KHDC4: variants seen among roughly 807,000 people sequenced by gnomAD.
The protein encoded by KHDC4 is KH domain containing 4, pre-mRNA splicing factor.
A neutral mutation model predicts 74.5 loss-of-function variants in KHDC4; 19 were observed. The observed-to-expected ratio is 0.26, with a 90% CI of 0.18 to 0.37. The LOEUF is 0.37. KHDC4 is among the 10% of genes least tolerant of loss of function. The probability of loss-of-function intolerance (pLI) is 1.00; values close to 1 mark genes in which losing one functional copy is unlikely to be tolerated. For missense variants in KHDC4, 632 were observed against 754.1 expected, an observed-to-expected ratio of 0.84 and a Z score of 1.90; for synonymous variants, 253 against 266.1, an observed-to-expected ratio of 0.95 and a Z score of 0.48.
At chr1:155,929,247 G>C in intron 4 of KHDC4, 49 bp downstream of exon 4, 6 of 1,290,810 alleles carry the variant, frequency 4.6e-6, no homozygotes, top group Middle Eastern at 1.8e-4. Context: ...TGAGGCTAAC[G>C]TGAGTCATAC....
rs2102594648 is a variant in KHDC4, at chr1:155,913,512, C to A, written c.*609G>T. On this transcript the variant is annotated 3_prime_UTR_variant, in exon 14 of 14. Coordinates refer to ENST00000368321, the MANE Select transcript of KHDC4 (RefSeq NM_014949.4). ...GTGCCTGAAGGTGCCAGCTTTGGAT[C>A]ACCCCAATTAAAAAACACAATGAAA... 6.6e-6 allele frequency: 1 copy of A among 152,552 alleles called. No individual in the cohort carries two copies. Among genetic ancestry groups the A allele is most frequent in the Admixed American group, 6.5e-5 (1 of 15,286 alleles). 9.4% of individuals were successfully genotyped at this position (152,552 alleles called of 1,614,324 possible).
At chr1:155,915,762 C>T (rs1673718301) in intron 13 of KHDC4, 111 bp downstream of exon 13, 4 of 662,012 alleles carry the variant, frequency 6.0e-6, no homozygotes, top group Admixed American at 5.8e-5. Flanking sequence ...CCACCTCGGC[C>T]TCCCAAAGTG....
chr1:155,932,709 C>T (rs1191933068), intron 2 of KHDC4: 2 of 152,084 alleles, frequency 1.3e-5, no homozygotes, highest in Non-Finnish European at 2.9e-5. Flanking sequence ...ACTTGTAATC[C>T]CAGCACTTTG....
intron 7 of KHDC4, among the ~76,000 whole-genome samples, chr1:155,924,117 A>T (rs1673930046): frequency 6.6e-6 from 1 of 152,102 alleles, no homozygotes; most frequent in African/African-American, 2.4e-5. Flanking sequence ...GGAGATCGAG[A>T]CCATCCTGGC....
In KHDC4 at chr1:155,917,288, T is replaced by C. The variant is rs544803390; in HGVS notation, c.1440+211A>G. Among the ~76,000 whole-genome samples, 3 of 152,196 alleles carry C rather than the reference T, an allele frequency of 2.0e-5. No individual in the cohort carries two copies. The South Asian group carries it at 6.2e-4, about 32-fold the overall frequency. ...GTTTTAAATACAAACCACATACTGG[T>C]AGATCAAGAGCTTTGAGTGAGATGT... On this transcript the variant is annotated intron_variant, in intron 11 of 13. Coordinates refer to ENST00000368321, the MANE Select transcript of KHDC4 (RefSeq NM_014949.4).
At position 155,921,854 on chromosome 1, in the gene KHDC4, T is replaced by C; in HGVS notation, c.1012+7A>G. The C allele has an allele frequency of 1.3e-6, 2 of 1,593,668 alleles. No homozygotes were observed. The highest frequency in any genetic ancestry group is 8.6e-7 in the Non-Finnish European group (1 of 1,163,420). ...AATATTTTTTAAACACTTCAAGATG[T>C]ACACACCTGGTAAAGGTACAGCAGT... is the stretch of plus-strand genomic sequence containing the variant. On this transcript the variant is annotated splice_region_variant and intron_variant, in intron 9 of 13. Transcript: ENST00000368321.
In KHDC4 at chr1:155,916,623, A is replaced by G. The variant is rs1272626583; in HGVS notation, c.1553+2T>C. The G allele has an allele frequency of 6.3e-7, 1 of 1,591,034 alleles. No individual in the cohort carries two copies. The highest frequency in any genetic ancestry group is 1.1e-5 in the South Asian group (1 of 90,498). On this transcript the variant is annotated splice_donor_variant, in intron 12 of 13. Coordinates refer to ENST00000368321, the MANE Select transcript of KHDC4 (RefSeq NM_014949.4). LOFTEE classifies it high-confidence loss of function. ...TACATTTGCATAATTATTCCAACTT[A>G]CCTGTCCCTCTCTCTCTCTTTGCCT...
intron 4 of KHDC4, among the ~76,000 whole-genome samples, chr1:155,928,376 TAATAAATA>T (rs954790257): frequency 1.3e-5 from 2 of 151,816 alleles, no homozygotes; most frequent in African/African-American, 2.4e-5. Flanking sequence ...ACTCCTTCTC[TAATAAATA>T]AATAAATAAA....
rs918763830 is a variant in KHDC4 at position 155,925,648 on chromosome 1, T to C, written c.877A>G (p.Met293Val). ...PASGREAFEP[M>V]YIYISHPKPE... ...CATCCATACCTGATGTAAATATACATAGGTTCAAAAGCTTCTCGGCCAGAT... is the reference window on the plus strand; with the variant it reads ...CATCCATACCTGATGTAAATATACACAGGTTCAAAAGCTTCTCGGCCAGAT... The change falls in exon 7 of 14, where the codon ATG (methionine) becomes GTG (valine). Residue 293 changes from methionine (M) to valine (V), a missense_variant. Physicochemically the swap from Met to Val is conservative, Grantham distance 21. Coordinates refer to ENST00000368321, the MANE Select transcript of KHDC4 (RefSeq NM_014949.4). 2 of 1,614,022 alleles carry C rather than the reference T, an allele frequency of 1.2e-6. No individual in the cohort carries two copies. The highest frequency in any genetic ancestry group is 1.1e-5 in the South Asian group (1 of 91,094).
intron 9 of KHDC4, 34 bp from the exon 10 acceptor site, chr1:155,921,662 G>T (rs1673866804): frequency 3.1e-6 from 5 of 1,596,220 alleles, no homozygotes; most frequent in Non-Finnish European, 4.3e-6. Flanking sequence ...TTAATCAGCT[G>T]CAGCAGAATG....
intron 8 of KHDC4, among the ~76,000 whole-genome samples, chr1:155,922,392 G>A (rs182262203): frequency 3.5e-4 from 54 of 152,180 alleles, no homozygotes; most frequent in Admixed American, 9.8e-4. Flanking sequence ...TTATCTGCCC[G>A]CCTTGGCCTC....
intron 10 of KHDC4, 44 bp from the exon 11 acceptor site, chr1:155,917,716 C>T (rs554651360): frequency 7.2e-7 from 1 of 1,387,896 alleles, no homozygotes; most frequent in Non-Finnish European, 9.6e-7. Flanking sequence ...TGTGAGAATG[C>T]CCAAGGAATA....
In KHDC4 at chr1:155,926,578, A is replaced by C. The variant is rs1045615209; in HGVS notation, c.681+98T>G. 3 of 1,394,604 alleles carry C rather than the reference A, an allele frequency of 2.2e-6. No individual in the cohort carries two copies. The African/African-American group carries it at 4.3e-5, about 20-fold the overall frequency. The allele number at this position is 1,394,604 out of a possible 1,614,324, so 86.4% of individuals were successfully genotyped here. ...ATGATCCACCCACCTTGGCCTCCCA[A>C]AGTGCTGGGATTACAGGAATGAGCC... On this transcript the variant is annotated intron_variant, in intron 6 of 13. Coordinates refer to ENST00000368321, the MANE Select transcript of KHDC4 (RefSeq NM_014949.4).
chr1:155,934,244 G>A, intron 1 of KHDC4, 92 bp downstream of exon 1: 1 of 1,336,398 alleles, frequency 7.5e-7, no homozygotes, highest in Non-Finnish European at 1.0e-6. Context: ...CCCACTTAAG[G>A]ACCCTTCCAC....
intron 10 of KHDC4, among the ~76,000 whole-genome samples, chr1:155,921,076 G>A (rs572467189): frequency 6.6e-6 from 1 of 152,300 alleles, no homozygotes; most frequent in South Asian, 2.1e-4. Context: ...GACAGAGAAT[G>A]TATGGCCCTT....
At chr1:155,925,889 A>G (rs768876734) in intron 6 of KHDC4, 46 bp from the exon 7 acceptor site, 3 of 1,397,326 alleles carry the variant, frequency 2.1e-6, no homozygotes, top group South Asian at 2.3e-5. Flanking sequence ...ATATATAATT[A>G]AATCCTCAAT....
intron 4 of KHDC4, among the ~76,000 whole-genome samples, chr1:155,927,662 G>A (rs562150452): frequency 9.9e-5 from 15 of 151,644 alleles, no homozygotes; most frequent in African/African-American, 2.4e-4. Context: ...AAAATTAGCC[G>A]GGCATGGTGG....
intron 2 of KHDC4, chr1:155,932,369 T>C (rs1010729458): frequency 2.3e-5 from 3 of 131,228 alleles, no homozygotes; most frequent in Non-Finnish European, 3.5e-5. Context: ...AATGCAGGTA[T>C]ATATTACCAA....
intron 10 of KHDC4, among the ~76,000 whole-genome samples, chr1:155,918,971 G>GTTTTTTTTTTTT (rs66693073): frequency 9.3e-6 from 1 of 107,440 alleles, no homozygotes; most frequent in African/African-American, 3.7e-5. Flanking sequence ...CTAACTCCCA[G>GTTTTTTTTTTTT]TTTTTTTTTT....
Sources: allele counts gnomAD v4.1 joint callset (sites outside exome capture counted in the v4.1 genomes callset), GRCh38; gene constraint gnomAD v4.1.1; transcripts MANE v1.5; gene names NCBI Gene and HGNC (gene_info 2026-07-23, HGNC 2026-07-21).